TMT1B: variants seen among roughly 807,000 people sequenced by gnomAD.
The protein encoded by TMT1B is thiol S-methyltransferase TMT1B.
chr12:55,684,172 T>A, the TMT1B span: 1 of 880,644 alleles, frequency 1.1e-6, no homozygotes, highest in Non-Finnish European at 1.8e-6. Flanking sequence ...GACATTCATG[T>A]ACCACCTACT....
At chr12:55,684,370 A>C in the TMT1B span, 1 of 317,910 alleles carries the variant, frequency 3.1e-6, no homozygotes, top group East Asian at 7.5e-5. Flanking sequence ...CTTCGTTCCC[A>C]TGGTAAAGCT....
At chr12:55,681,818 A>G in the TMT1B span, 1 of 1,557,650 alleles carries the variant, frequency 6.4e-7, no homozygotes, top group Non-Finnish European at 8.7e-7. Flanking sequence ...CCTGCACCTC[A>G]TGGCTCTGCT....
the TMT1B span, chr12:55,684,288 A>T: frequency 4.0e-6 from 2 of 497,572 alleles, no homozygotes; most frequent in Admixed American, 6.7e-5. Context: ...AAACACTAGG[A>T]CCCTGTTGTA....
chr12:55,681,972 C>T, the TMT1B span: 112 of 1,614,208 alleles, frequency 6.9e-5, no homozygotes, highest in African/African-American at 1.2e-3. Context: ...GGGAAAGTGG[C>T]CCTACTGGAG....
the TMT1B span, among the ~76,000 whole-genome samples, chr12:55,682,957 TAGCATG>T: frequency 1.3e-5 from 2 of 152,128 alleles, no homozygotes; most frequent in Non-Finnish European, 2.9e-5. Context: ...TCCAGGTTTC[TAGCATG>T]AGCAACTGAG....
chr12:55,683,763 A>G, the TMT1B span: 3 of 1,560,500 alleles, frequency 1.9e-6, no homozygotes, highest in Non-Finnish European at 1.8e-6. Context: ...CGCGATAGGG[A>G]GCAGGGTCAG....
the TMT1B span, among the ~76,000 whole-genome samples, chr12:55,683,498 A>AAATAAT: frequency 1.1e-4 from 16 of 151,708 alleles, no homozygotes; most frequent in African/African-American, 3.4e-4. Context: ...CTGTCTCAAA[A>AAATAAT]AATAATAATA....
the TMT1B span, among the ~76,000 whole-genome samples, chr12:55,682,517 A>G: frequency 2.0e-5 from 3 of 149,972 alleles, no homozygotes; most frequent in African/African-American, 7.4e-5. Context: ...GTTTAAATCG[A>G]GATCTGTGCT....
the TMT1B span, chr12:55,682,012 G>T: frequency 1.2e-6 from 2 of 1,614,246 alleles, no homozygotes; most frequent in Non-Finnish European, 1.7e-6. Context: ...CCAACTTTCA[G>T]TTCTACCCAC....
chr12:55,682,283 G>A, the TMT1B span: 2 of 1,591,276 alleles, frequency 1.3e-6, no homozygotes, highest in African/African-American at 1.3e-5. Flanking sequence ...ATGGGTGTGG[G>A]GCAGGCAAAC....
At chr12:55,682,264 G>A in the TMT1B span, 7 of 1,604,186 alleles carry the variant, frequency 4.4e-6, no homozygotes, top group Non-Finnish European at 6.0e-6. Context: ...TAAGCAGGGT[G>A]GGAAGGGGAT....
chr12:55,681,863 CCCTA>C, the TMT1B span: 48 of 1,596,880 alleles, frequency 3.0e-5, no homozygotes, highest in East Asian at 9.8e-4. Flanking sequence ...AAGCTACTTC[CCCTA>C]CCTGATGGCC....
chr12:55,682,444 C>G, the TMT1B span, among the ~76,000 whole-genome samples: 1 of 151,942 alleles, frequency 6.6e-6, no homozygotes, highest in Admixed American at 6.6e-5. Flanking sequence ...GTGGAAGCAA[C>G]AGGAGGATCA....
the TMT1B span, among the ~76,000 whole-genome samples, chr12:55,683,061 G>A: frequency 6.6e-6 from 1 of 152,216 alleles, no homozygotes; most frequent in Non-Finnish European, 1.5e-5. Flanking sequence ...GGAGAGTATA[G>A]TGAGGCGAGG....
At chr12:55,682,829 C>A in the TMT1B span, among the ~76,000 whole-genome samples, 1 of 142,458 alleles carries the variant, frequency 7.0e-6, no homozygotes, top group South Asian at 2.3e-4. Flanking sequence ...AGAGAGAGAT[C>A]TGAGGGATTA....
At chr12:55,683,602 C>T in the TMT1B span, among the ~76,000 whole-genome samples, 2 of 152,190 alleles carry the variant, frequency 1.3e-5, no homozygotes, top group African/African-American at 4.8e-5. Flanking sequence ...AGATCTCCCA[C>T]CAGCCACTCC....
the TMT1B span, among the ~76,000 whole-genome samples, chr12:55,682,516 G>A: frequency 1.3e-5 from 2 of 149,940 alleles, no homozygotes; most frequent in African/African-American, 2.5e-5. Context: ...GGTTTAAATC[G>A]AGATCTGTGC....
the TMT1B span, among the ~76,000 whole-genome samples, chr12:55,682,739 G>A: frequency 3.3e-5 from 5 of 151,638 alleles, no homozygotes; most frequent in East Asian, 1.9e-4. Context: ...AACTATGATC[G>A]CACCACTGCA....
At chr12:55,682,043 C>T in the TMT1B span, 6 of 1,614,148 alleles carry the variant, frequency 3.7e-6, no homozygotes, top group Non-Finnish European at 4.2e-6. Flanking sequence ...GGTCACCTGC[C>T]TAGACCCAAA....
Sources: allele counts gnomAD v4.1 joint callset (sites outside exome capture counted in the v4.1 genomes callset), GRCh38; gene constraint gnomAD v4.1.1; transcripts MANE v1.5; gene names NCBI Gene and HGNC (gene_info 2026-07-23, HGNC 2026-07-21).